Variants in ADGRL3 observed in about 807,000 individuals in gnomAD.
ADGRL3 encodes adhesion G protein-coupled receptor L3.
In ADGRL3, 62 loss-of-function variants were observed where a neutral mutation model predicts 153.5. That is an observed-to-expected ratio of 0.40 (90% CI 0.33 to 0.50). The LOEUF (loss-of-function observed/expected upper bound fraction) is 0.50, where lower values mean the gene tolerates loss of function less well. Ranked by LOEUF, ADGRL3 falls within the 20% of genes least tolerant of loss-of-function variation. ADGRL3 has a pLI of 0.47. For missense variants in ADGRL3, 1,641 were observed against 1,859.4 expected (o/e 0.88, Z 2.16); for synonymous variants, 710 against 672.5 (o/e 1.06, Z -0.86).
At chr4:61,441,028 T>C (rs943516228) in intron 2 of ADGRL3, among the ~76,000 whole-genome samples, 6 of 152,182 alleles carry the variant, frequency 3.9e-5, no homozygotes, top group Non-Finnish European at 8.8e-5. Flanking sequence ...CCAAAATTCC[T>C]TTTTTCCTGT....
intron 8 of ADGRL3, among the ~76,000 whole-genome samples, chr4:61,760,745 C>T (rs1380791653): frequency 3.9e-5 from 6 of 152,232 alleles, no homozygotes; most frequent in Admixed American, 6.5e-5. Flanking sequence ...TCTTCTGGGT[C>T]GCTCATGCTG....
intron 1 of ADGRL3, among the ~76,000 whole-genome samples, chr4:61,310,001 G>T (rs950237676): frequency 6.6e-6 from 1 of 151,718 alleles, no homozygotes; most frequent in Admixed American, 6.6e-5. Context: ...GTACAACTGT[G>T]TGCTGAATGT....
chr4:61,892,853 C>G lies in ADGRL3; in HGVS notation c.1678C>G (p.Pro560Ala). Residue 560 changes from proline (P) to alanine (A), a missense_variant, in exon 10 of 27, where the codon CCA (proline) becomes GCA (alanine). By Grantham distance (27) the Pro-to-Ala change is conservative. This residue lies in a region of ADGRL3 where 734 missense variants were observed against 797.0 expected (regional missense o/e 0.92). Transcript: ENST00000683033. ...THLPSASSQI[P>A]ALEESCEAVE... ...CCTTCCATCAGCATCGTCCCAAATCCCAGCTCTCGAAGAGAGCTGTGAGGC... is the reference window on the plus strand; with the variant it reads ...CCTTCCATCAGCATCGTCCCAAATCGCAGCTCTCGAAGAGAGCTGTGAGGC... 6.2e-7 allele frequency: 1 copy of G among 1,613,036 alleles called. No individual in the cohort carries two copies. The highest frequency in any genetic ancestry group is 8.5e-7 in the Non-Finnish European group (1 of 1,179,482).
At chr4:61,890,972 AT>A (rs1195720016) in intron 9 of ADGRL3, among the ~76,000 whole-genome samples, 1 of 152,022 alleles carries the variant, frequency 6.6e-6, no homozygotes, top group Admixed American at 6.6e-5. Context: ...TATTAGAGAC[AT>A]TTTTATTGTG....
At position 61,569,762 on chromosome 4, in the gene ADGRL3, CT is replaced by C. The variant is rs554957134; in HGVS notation, c.260-17457del. Among the ~76,000 whole-genome samples, 127 of 151,826 alleles carry C rather than the reference CT, an allele frequency of 8.4e-4. 1 individual carries two copies. Among genetic ancestry groups the C allele is most frequent in the African/African-American group, 3.0e-3 (124 of 41,434 alleles). On this transcript the variant is annotated intron_variant, in intron 4 of 26. Coordinates refer to ENST00000683033, the MANE Select transcript of ADGRL3 (RefSeq NM_001387552.1). The stretch of plus-strand genomic sequence containing the variant: ...TATAACATATATCTGTACTTCAATC[CT>C]TTTTTTTAAATTTTAATTTTTCTGT...
intron 4 of ADGRL3, among the ~76,000 whole-genome samples, chr4:61,536,090 T>C (rs1164312501): frequency 1.3e-5 from 2 of 152,018 alleles, no homozygotes; most frequent in Non-Finnish European, 2.9e-5. Flanking sequence ...TTATGCCTTT[T>C]ATATGTTTCT....
intron 8 of ADGRL3, among the ~76,000 whole-genome samples, chr4:61,780,237 C>T (rs922402139): frequency 6.6e-6 from 1 of 152,102 alleles, no homozygotes; most frequent in South Asian, 2.1e-4. Flanking sequence ...GAAGAGCAGC[C>T]GCCTGATATA....
At chr4:61,867,878 T>A (rs1192617560) in intron 9 of ADGRL3, among the ~76,000 whole-genome samples, 1 of 152,004 alleles carries the variant, frequency 6.6e-6, no homozygotes, top group Non-Finnish European at 1.5e-5. Flanking sequence ...ATATGTGGAT[T>A]TTTTTATATT....
Position 61,595,500 on chromosome 4 carries a change from G to A in ADGRL3, c.473+8060G>A, listed in dbSNP as rs191062907. ...TGGGGGCCTTATGATTCTGCCCGGC[G>A]CCCTATCCTACTGTGGCTGAGCTGG... On this transcript the variant is annotated intron_variant, in intron 5 of 26. Transcript: ENST00000683033. Among the ~76,000 whole-genome samples the A allele has an allele frequency of 4.8e-4, 73 of 151,754 alleles. 1 individual carries two copies. The highest frequency in any genetic ancestry group is 1.1e-3 in the African/African-American group (46 of 41,352).
At chr4:61,945,803 G>A (rs2098919514) in intron 15 of ADGRL3, among the ~76,000 whole-genome samples, 1 of 151,766 alleles carries the variant, frequency 6.6e-6, no homozygotes, top group African/African-American at 2.4e-5. Flanking sequence ...CTCGCGCACG[G>A]TGCGCACACA....
chr4:61,591,073 C>T (rs934968827), intron 5 of ADGRL3, among the ~76,000 whole-genome samples: 1 of 152,120 alleles, frequency 6.6e-6, no homozygotes, highest in African/African-American at 2.4e-5. Flanking sequence ...TCAGAAAGCG[C>T]CCCCTTGTGC....
chr4:61,466,872 C>T (rs953339776), intron 2 of ADGRL3, among the ~76,000 whole-genome samples: 2 of 151,634 alleles, frequency 1.3e-5, no homozygotes, highest in Non-Finnish European at 2.9e-5. Context: ...TGAGTGGCCA[C>T]ATTAATGAAA....
At chr4:61,574,853 AATAG>A (rs2098861045) in intron 4 of ADGRL3, among the ~76,000 whole-genome samples, 1 of 151,812 alleles carries the variant, frequency 6.6e-6, no homozygotes, top group East Asian at 1.9e-4. Context: ...ATATTTTAGA[AATAG>A]AGAAATTGGC....
chr4:61,351,225 C>G (rs1168878525), intron 1 of ADGRL3, among the ~76,000 whole-genome samples: 1 of 152,190 alleles, frequency 6.6e-6, no homozygotes, highest in Non-Finnish European at 1.5e-5. Context: ...GGCCCTCACT[C>G]TCTTCAGTTC....
chr4:61,418,911 T>G (rs928883569), intron 2 of ADGRL3, among the ~76,000 whole-genome samples: 1 of 150,722 alleles, frequency 6.6e-6, no homozygotes. Context: ...TTAAATTAAT[T>G]TAGAAGTTTA....
rs542802532 is a variant in ADGRL3 at position 61,313,768 on chromosome 4, A to G, written c.-239-69356A>G. ...CATTTAAGAAAGATTAATAAAAAGA[A>G]GTACGGTGGTTTTTTACAAAATGAT... is the stretch of plus-strand genomic sequence containing the variant. On this transcript the variant is annotated intron_variant, in intron 1 of 26. Transcript: ENST00000683033. 1.3e-4 allele frequency among the ~76,000 whole-genome samples: 20 copies of G among 152,342 alleles called. No individual in the cohort carries two copies. The East Asian group carries it at 3.9e-3, about 29-fold the overall frequency.
chr4:62,041,020 A>C (rs903537083), intron 24 of ADGRL3, among the ~76,000 whole-genome samples: 2 of 152,078 alleles, frequency 1.3e-5, no homozygotes, highest in African/African-American at 4.8e-5. Context: ...TGAGATAGAA[A>C]GTCAAGGAAA....
intron 2 of ADGRL3, chr4:61,427,655 G>C (rs1046042026): frequency 6.5e-6 from 1 of 152,740 alleles, no homozygotes; most frequent in African/African-American, 2.4e-5. Flanking sequence ...CACTGGGTGA[G>C]CCTGCAGTGG....
At position 61,919,617 on chromosome 4, in the gene ADGRL3, G is replaced by A. The variant is rs115773895; in HGVS notation, c.2112+6860G>A. Among the ~76,000 whole-genome samples the A allele has an allele frequency of 6.8e-3, 1,031 of 152,238 alleles. 10 individuals are homozygous for A. The highest frequency in any genetic ancestry group is 0.01 in the Non-Finnish European group (708 of 68,002). ...ACAAAGCAATCATTGAATCAGAAGA[G>A]TAAAATCATATGTAATGTAAGCAGA... On this transcript the variant is annotated intron_variant, in intron 13 of 26. Transcript: ENST00000683033.
Sources: allele counts gnomAD v4.1 joint callset (sites outside exome capture counted in the v4.1 genomes callset), GRCh38; gene constraint gnomAD v4.1.1; regional missense constraint gnomAD v4.1.1; transcripts MANE v1.5; gene names NCBI Gene and HGNC (gene_info 2026-07-23, HGNC 2026-07-21).